CDH8: variants seen among roughly 807,000 people sequenced by gnomAD.
CDH8 encodes cadherin-8.
A neutral mutation model predicts 68.1 loss-of-function variants in CDH8; 17 were observed. The observed-to-expected ratio is 0.25, with a 90% CI of 0.17 to 0.37. CDH8 has a LOEUF of 0.37. CDH8 is among the 10% of genes least tolerant of loss of function. CDH8 has a pLI of 1.00. For synonymous variants in CDH8, 372 were observed against 365.1 expected, an observed-to-expected ratio of 1.02 and a Z score of -0.21; for missense variants, 763 against 999.3, an observed-to-expected ratio of 0.76 and a Z score of 3.19.
chr16:61,888,444 A>G (rs1268021376), intron 3 of CDH8, among the ~76,000 whole-genome samples: 1 of 152,160 alleles, frequency 6.6e-6, no homozygotes, highest in Non-Finnish European at 1.5e-5. Context: ...TTCATGACGT[A>G]TAAGGTCTAA....
chr16:61,725,215 TG>T, intron 9 of CDH8: 1 of 150,992 alleles, frequency 6.6e-6, no homozygotes, highest in Non-Finnish European at 1.5e-5. Flanking sequence ...TTTTTTATTT[TG>T]GTTTTGCATA....
chr16:61,801,773 C>A (rs554889133), intron 7 of CDH8, among the ~76,000 whole-genome samples: 8 of 152,236 alleles, frequency 5.3e-5, no homozygotes, highest in Admixed American at 1.3e-4. Flanking sequence ...TAAAAAGCGG[C>A]GAACCATGAG....
chr16:61,747,805 C>G (rs1960059671), intron 8 of CDH8, among the ~76,000 whole-genome samples: 1 of 151,770 alleles, frequency 6.6e-6, no homozygotes, highest in Admixed American at 6.6e-5. Context: ...AGGAAGAAAT[C>G]CACTGTAACT....
chr16:61,793,258 CT>C (rs1961420164), intron 7 of CDH8, among the ~76,000 whole-genome samples: 1 of 151,134 alleles, frequency 6.6e-6, no homozygotes, highest in African/African-American at 2.4e-5. Context: ...TTTTTTTTAA[CT>C]TTATTTGAAG....
intron 8 of CDH8, among the ~76,000 whole-genome samples, chr16:61,761,372 G>T (rs915572309): frequency 2.0e-5 from 3 of 152,078 alleles, no homozygotes; most frequent in Non-Finnish European, 2.9e-5. Flanking sequence ...TATTCAAAAT[G>T]CATTTCCCAG....
At chr16:61,998,731 G>A (rs78959169) in intron 2 of CDH8, among the ~76,000 whole-genome samples, 2,021 of 152,256 alleles carry the variant, frequency 0.013, 23 homozygotes, top group East Asian at 0.049. Context: ...CCAGAAAAAA[G>A]CTACTTGTCA....
intron 10 of CDH8, among the ~76,000 whole-genome samples, chr16:61,656,272 T>C (rs1009501021): frequency 6.6e-6 from 1 of 152,214 alleles, no homozygotes; most frequent in Non-Finnish European, 1.5e-5. Context: ...ACCTTAAAAA[T>C]GCAAAATATT....
intron 2 of CDH8, among the ~76,000 whole-genome samples, chr16:61,966,895 T>A (rs1965260861): frequency 6.6e-6 from 1 of 152,060 alleles, no homozygotes; most frequent in South Asian, 2.1e-4. Flanking sequence ...TATGAGAGGA[T>A]AATTTCACTT....
intron 7 of CDH8, among the ~76,000 whole-genome samples, chr16:61,802,686 C>T (rs1961684755): frequency 1.8e-5 from 2 of 113,104 alleles, no homozygotes; most frequent in African/African-American, 7.2e-5. Flanking sequence ...CCTCAGGAGC[C>T]GATGCGATCA....
intron 3 of CDH8, among the ~76,000 whole-genome samples, chr16:61,881,191 T>C (rs929434987): frequency 3.9e-5 from 6 of 152,162 alleles, no homozygotes; most frequent in African/African-American, 1.4e-4. Flanking sequence ...AATAAGTGTG[T>C]GTTGTTAACA....
chr16:61,739,915 A>ATT lies in CDH8; in HGVS notation c.1415-12702_1415-12701dup, dbSNP rs1555506715. 8.7e-3 allele frequency among the ~76,000 whole-genome samples: 948 copies of ATT among 109,510 alleles called. 34 individuals carry two copies. Among genetic ancestry groups the ATT allele is most frequent in the African/African-American group, 0.032 (855 of 26,876 alleles). The allele number at this position is 109,510 out of a possible 152,430, so 71.8% of individuals were successfully genotyped here. On this transcript the variant is annotated intron_variant, in intron 8 of 11. Coordinates refer to ENST00000577390, the MANE Select transcript of CDH8 (RefSeq NM_001796.5). The stretch of plus-strand genomic sequence containing the variant: ...TATATATATATATATATATATATGT[A>ATT]TTTTTTTTTTTGAGACAAAGTCTTG...
intron 2 of CDH8, among the ~76,000 whole-genome samples, chr16:61,974,167 C>T (rs1965395064): frequency 6.6e-6 from 1 of 151,834 alleles, no homozygotes; most frequent in South Asian, 2.1e-4. Context: ...TAAAGAAATA[C>T]ATTAATAAAG....
At chr16:61,829,319 T>C (rs992917815) in intron 4 of CDH8, among the ~76,000 whole-genome samples, 5 of 151,842 alleles carry the variant, frequency 3.3e-5, no homozygotes, top group Non-Finnish European at 5.9e-5. Context: ...TGGTGCTGCA[T>C]TCTTCCATGA....
intron 10 of CDH8, among the ~76,000 whole-genome samples, chr16:61,673,880 A>G (rs1012285194): frequency 6.6e-6 from 1 of 152,186 alleles, no homozygotes; most frequent in African/African-American, 2.4e-5. Flanking sequence ...GAAACTCTGC[A>G]GAAAACAGAT....
At chr16:61,808,793 A>G (rs1335503419) in intron 7 of CDH8, among the ~76,000 whole-genome samples, 1 of 152,164 alleles carries the variant, frequency 6.6e-6, no homozygotes, top group Non-Finnish European at 1.5e-5. Flanking sequence ...TTTTTTGTAA[A>G]GAACGTATTT....
intron 7 of CDH8, among the ~76,000 whole-genome samples, chr16:61,816,832 C>T (rs1033470451): frequency 6.6e-6 from 1 of 151,998 alleles, no homozygotes. Context: ...AGAATTATTT[C>T]GCATCCTGGG....
At chr16:61,822,722 G>T (rs1002670396) in intron 5 of CDH8, among the ~76,000 whole-genome samples, 1 of 151,832 alleles carries the variant, frequency 6.6e-6, no homozygotes, top group Admixed American at 6.6e-5. Context: ...TTGGTGTAAT[G>T]ATTCCATTTT....
At chr16:61,820,146 T>C (rs754384247) in intron 6 of CDH8, among the ~76,000 whole-genome samples, 1 of 152,020 alleles carries the variant, frequency 6.6e-6, no homozygotes. Context: ...TCTTTCTTTT[T>C]TCAATGGTAC....
intron 3 of CDH8, among the ~76,000 whole-genome samples, chr16:61,858,454 G>A (rs1963089968): frequency 6.6e-6 from 1 of 152,196 alleles, no homozygotes; most frequent in East Asian, 1.9e-4. Flanking sequence ...TGAGGTCAGG[G>A]CCAATGTCTT....
Sources: gnomAD v4.1 joint callset for allele counts (sites outside exome capture counted in the v4.1 genomes callset) on GRCh38, gnomAD v4.1.1 for gene constraint, MANE v1.5 for transcripts, NCBI Gene and HGNC (gene_info 2026-07-23, HGNC 2026-07-21) for gene names.